Variants in EYS observed in about 807,000 individuals in gnomAD.
The protein encoded by EYS is protein eyes shut homolog.
A neutral mutation model predicts 282.1 loss-of-function variants in EYS; 250 were observed. The ratio of observed to expected loss-of-function variants is 0.89; its 90% CI spans 0.80 to 0.98. The LOEUF (loss-of-function observed/expected upper bound fraction) is 0.98. Ranked by LOEUF, EYS falls within the 50% of genes least tolerant of loss-of-function variation. EYS has a pLI of 0.00. For missense variants in EYS, 4,016 were observed against 3,709.0 expected, an observed-to-expected ratio of 1.08 and a Z score of -2.15; for synonymous variants, 1,355 against 1,282.9, an observed-to-expected ratio of 1.06 and a Z score of -1.20.
intron 36 of EYS, among the ~76,000 whole-genome samples, chr6:63,840,588 G>A (rs1345746627): frequency 1.3e-5 from 2 of 151,842 alleles, no homozygotes; most frequent in African/African-American, 4.8e-5. Flanking sequence ...GTGATTTTGA[G>A]GTCTTCTCTA....
intron 11 of EYS, among the ~76,000 whole-genome samples, chr6:65,301,886 T>C (rs1332884139): frequency 1.3e-4 from 20 of 152,366 alleles, no homozygotes; most frequent in African/African-American, 3.1e-4. Context: ...GAACTAGAGA[T>C]AGTGATGCTT....
chr6:65,287,035 C>A (rs1029835299), intron 12 of EYS, among the ~76,000 whole-genome samples: 1 of 151,336 alleles, frequency 6.6e-6, no homozygotes, highest in African/African-American at 2.4e-5. Flanking sequence ...TATTGGATTT[C>A]CCGCAGGAAG....
intron 11 of EYS, chr6:65,332,510 T>C (rs966278408): frequency 1.9e-6 from 2 of 1,059,736 alleles, no homozygotes; most frequent in Non-Finnish European, 2.8e-6. Flanking sequence ...TCAGAGTATA[T>C]ACAATTTTCT....
chr6:65,407,230 C>T (rs1766785977), intron 5 of EYS, among the ~76,000 whole-genome samples: 1 of 151,866 alleles, frequency 6.6e-6, no homozygotes. Flanking sequence ...GACTTGCTTT[C>T]TTAATTTTAT....
At chr6:65,628,044 T>C (rs943512839) in intron 2 of EYS, among the ~76,000 whole-genome samples, 2 of 152,194 alleles carry the variant, frequency 1.3e-5, no homozygotes, top group African/African-American at 4.8e-5. Flanking sequence ...TATATCTAGC[T>C]CAGGGATTGT....
At chr6:65,044,208 G>A (rs547489950) in intron 13 of EYS, among the ~76,000 whole-genome samples, 3 of 151,818 alleles carry the variant, frequency 2.0e-5, no homozygotes, top group African/African-American at 7.2e-5. Flanking sequence ...CGTCTGTTCA[G>A]ATCCTTTGCC....
At chr6:63,737,514 A>C (rs1768949436) in intron 41 of EYS, among the ~76,000 whole-genome samples, 2 of 152,172 alleles carry the variant, frequency 1.3e-5, no homozygotes, top group South Asian at 4.1e-4. Flanking sequence ...GGATTTTTGC[A>C]TCAATGTTCG....
intron 29 of EYS, among the ~76,000 whole-genome samples, chr6:64,354,480 C>T (rs1226722646): frequency 6.6e-6 from 1 of 151,416 alleles, no homozygotes; most frequent in African/African-American, 2.4e-5. Flanking sequence ...AGTTTGTTTC[C>T]TCATCCATAA....
intron 31 of EYS, among the ~76,000 whole-genome samples, chr6:64,112,104 G>A (rs949323834): frequency 2.0e-5 from 3 of 152,100 alleles, no homozygotes; most frequent in African/African-American, 7.2e-5. Flanking sequence ...CTGAAAATAT[G>A]ATAAACAGAT....
chr6:64,862,479 A>T (rs1766279978), intron 19 of EYS, among the ~76,000 whole-genome samples: 1 of 151,724 alleles, frequency 6.6e-6, no homozygotes, highest in Non-Finnish European at 1.5e-5. Flanking sequence ...TTTCCATTTG[A>T]CTCTTTCTTA....
At chr6:64,733,822 C>CA (rs1474286399) in intron 22 of EYS, 1 of 163,532 alleles carries the variant, frequency 6.1e-6, no homozygotes, top group East Asian at 1.7e-4. Context: ...CTTATGGCAA[C>CA]AATCACTGTG....
intron 31 of EYS, among the ~76,000 whole-genome samples, chr6:64,084,616 GC>G (rs760160441): frequency 2.5e-4 from 38 of 152,308 alleles, no homozygotes; most frequent in Non-Finnish European, 4.9e-4. Flanking sequence ...CAGATGGGCT[GC>G]TGTCTTCTTT....
intron 22 of EYS, among the ~76,000 whole-genome samples, chr6:64,676,645 A>G (rs540442482): frequency 6.6e-6 from 1 of 152,298 alleles, no homozygotes; most frequent in East Asian, 1.9e-4. Flanking sequence ...ATAGCAAAAC[A>G]CCATAGACTG....
chr6:65,557,167 A>C (rs1768846364), intron 2 of EYS, among the ~76,000 whole-genome samples: 1 of 152,174 alleles, frequency 6.6e-6, no homozygotes, highest in African/African-American at 2.4e-5. Context: ...CTCTGTGGCC[A>C]GTAAAGCCTC....
At chr6:65,260,711 A>G (rs184465489) in intron 12 of EYS, among the ~76,000 whole-genome samples, 2 of 152,204 alleles carry the variant, frequency 1.3e-5, no homozygotes, top group African/African-American at 4.8e-5. Flanking sequence ...ATGTCACACA[A>G]TATCCAATAT....
At chr6:64,095,792 T>C (rs1772583876) in intron 31 of EYS, among the ~76,000 whole-genome samples, 1 of 152,192 alleles carries the variant, frequency 6.6e-6, no homozygotes, top group Non-Finnish European at 1.5e-5. Flanking sequence ...TTTGATCCTG[T>C]CATTATGATG....
chr6:64,533,352 A>G (rs2993117), intron 26 of EYS, among the ~76,000 whole-genome samples: 24,373 of 152,120 alleles, frequency 0.16, 4,475 homozygotes, highest in African/African-American at 0.45. Flanking sequence ...TATAGTTCTG[A>G]GAAGCCAGCA....
At chr6:64,109,954 T>G (rs145870172) in intron 31 of EYS, among the ~76,000 whole-genome samples, 3,620 of 152,124 alleles carry the variant, frequency 0.024, 132 homozygotes, top group African/African-American at 0.082. Flanking sequence ...CTCTCTTCTA[T>G]TAAAAACTAA....
At chr6:63,909,608 C>T (rs1773863937) in intron 35 of EYS, among the ~76,000 whole-genome samples, 2 of 152,166 alleles carry the variant, frequency 1.3e-5, no homozygotes, top group African/African-American at 2.4e-5. Context: ...GGATATCAAA[C>T]CAGTGAAATC....
Sources: gnomAD v4.1 joint callset for allele counts (sites outside exome capture counted in the v4.1 genomes callset) on GRCh38, gnomAD v4.1.1 for gene constraint, MANE v1.5 for transcripts, NCBI Gene and HGNC (gene_info 2026-07-23, HGNC 2026-07-21) for gene names.